ZNF35: variants seen among roughly 807,000 people sequenced by gnomAD.
The protein encoded by ZNF35 is zinc finger protein 35 (clone HF.10).
In ZNF35, 31 loss-of-function variants were observed where a neutral mutation model predicts 45.9. The ratio of observed to expected loss-of-function variants is 0.68; its 90% CI spans 0.51 to 0.91. ZNF35 has a LOEUF of 0.91. Ranked by LOEUF, ZNF35 falls within the 40% of genes least tolerant of loss-of-function variation. The probability of loss-of-function intolerance (pLI) is 0.00; values close to 1 mark genes in which losing one functional copy is unlikely to be tolerated. For synonymous variants in ZNF35, 205 were observed against 220.2 expected (o/e 0.93, Z 0.61); for missense variants, 515 against 625.4 (o/e 0.82, Z 1.88).
rs746896269 is a variant in ZNF35 at position 44,658,910 on chromosome 3, C to G, written c.547C>G (p.His183Asp). 1 of 1,613,286 alleles carries G rather than the reference C, an allele frequency of 6.2e-7. No individual in the cohort carries two copies. The highest frequency in any genetic ancestry group is 1.3e-5 in the African/African-American group (1 of 74,772). ...DFRQVIVNDC[H>D]LPESFKEEEN... Reference sequence around the variant, plus strand: ...CAGACAAGTGATAGTGAATGACTGTCACTTACCTGAAAGCTTCAAAGAAGA... The same window carrying G: ...CAGACAAGTGATAGTGAATGACTGTGACTTACCTGAAAGCTTCAAAGAAGA... The change falls in exon 4 of 4, where the codon CAC becomes GAC. Residue 183 changes from histidine (H) to aspartate (D), a missense_variant. This residue lies in a region of ZNF35 where 275 missense variants were observed against 295.7 expected (regional missense o/e 0.93). Coordinates refer to ENST00000396056, the MANE Select transcript of ZNF35 (RefSeq NM_003420.4).
intron 2 of ZNF35, among the ~76,000 whole-genome samples, chr3:44,652,299 A>G (rs909839916): frequency 6.6e-6 from 1 of 152,130 alleles, no homozygotes; most frequent in African/African-American, 2.4e-5. Context: ...TCCTCTTATC[A>G]TGTACTCACT....
intron 3 of ZNF35, among the ~76,000 whole-genome samples, chr3:44,654,383 G>C (rs1398081433): frequency 1.3e-5 from 2 of 152,188 alleles, no homozygotes; most frequent in Non-Finnish European, 1.5e-5. Flanking sequence ...GTGACCTTGA[G>C]TAAGTCCCTT....
At chr3:44,658,193 T>C (rs567294724) in intron 3 of ZNF35, among the ~76,000 whole-genome samples, 9 of 152,340 alleles carry the variant, frequency 5.9e-5, no homozygotes, top group African/African-American at 2.2e-4. Context: ...GTGCTTATCC[T>C]TTCTTTGATA....
chr3:44,660,680 A>G lies in ZNF35; in HGVS notation c.*733A>G, dbSNP rs1414446815. On this transcript the variant is annotated 3_prime_UTR_variant, in exon 4 of 4. Transcript: ENST00000396056. Reference sequence around the variant, plus strand: ...TGCCAAGATCAACAGCTCCTTCTCCAAACAACTCAAGCCCCCAATTCCCAT... The same window carrying G: ...TGCCAAGATCAACAGCTCCTTCTCCGAACAACTCAAGCCCCCAATTCCCAT... 6.6e-6 allele frequency: 1 copy of G among 152,310 alleles called. No individual in the cohort carries two copies. Among genetic ancestry groups the G allele is most frequent in the Non-Finnish European group, 1.5e-5 (1 of 68,108 alleles). The allele number at this position is 152,310 out of a possible 1,614,324, so 9.4% of individuals were successfully genotyped here.
chr3:44,654,808 C>T (rs1703268332), intron 3 of ZNF35, among the ~76,000 whole-genome samples: 1 of 152,086 alleles, frequency 6.6e-6, no homozygotes, highest in South Asian at 2.1e-4. Context: ...AACTTATGTT[C>T]AGTTAAGCTT....
chr3:44,651,443 T>C (rs901784480), intron 2 of ZNF35, among the ~76,000 whole-genome samples, 184 bp downstream of exon 2: 1 of 152,202 alleles, frequency 6.6e-6, no homozygotes, highest in African/African-American at 2.4e-5. Context: ...CAGTACTTTC[T>C]GTAAACCAGT....
At chr3:44,654,037 T>C (rs562389510) in intron 3 of ZNF35, among the ~76,000 whole-genome samples, 3 of 152,328 alleles carry the variant, frequency 2.0e-5, no homozygotes, top group Non-Finnish European at 4.4e-5. Flanking sequence ...TAGCAGCTTC[T>C]GTTCCCCACT....
chr3:44,660,531 C>G lies in ZNF35; in HGVS notation c.*584C>G, dbSNP rs973240021. On this transcript the variant is annotated 3_prime_UTR_variant, in exon 4 of 4. Coordinates refer to ENST00000396056, the MANE Select transcript of ZNF35 (RefSeq NM_003420.4). The stretch of plus-strand genomic sequence containing the variant: ...AGGAAATGGACTTTTTCCTTACTGT[C>G]TATACCTCCTGAACCTTGGTATTGT... 2 of 152,730 alleles carry G rather than the reference C, an allele frequency of 1.3e-5. No homozygotes were observed. Among genetic ancestry groups the G allele is most frequent in the African/African-American group, 4.8e-5 (2 of 41,462 alleles). 9.5% of individuals were successfully genotyped at this position (152,730 alleles called of 1,614,324 possible).
chr3:44,652,171 G>A (rs1313927166), intron 2 of ZNF35, among the ~76,000 whole-genome samples: 3 of 152,118 alleles, frequency 2.0e-5, no homozygotes, highest in Non-Finnish European at 2.9e-5. Context: ...ACCATTACTA[G>A]TCAAATGAGG....
intron 1 of ZNF35, among the ~76,000 whole-genome samples, chr3:44,649,908 G>A (rs914938935): frequency 1.3e-5 from 2 of 152,198 alleles, no homozygotes; most frequent in Non-Finnish European, 2.9e-5. Flanking sequence ...TGTGAAATAC[G>A]GAAATTGAGT....
Position 44,652,545 on chromosome 3 carries a change from G to A in ZNF35, c.193-12G>A, listed in dbSNP as rs1703223114. 1 of 1,560,456 alleles carries A rather than the reference G, an allele frequency of 6.4e-7. No individual in the cohort carries two copies. Among genetic ancestry groups the A allele is most frequent in the African/African-American group, 1.4e-5 (1 of 72,650 alleles). ...CCAGTTCCCTCTTAAACATGTGCCT[G>A]CTTGTCTCTAGGGTCAGAACATATC... is the stretch of plus-strand genomic sequence containing the variant. On this transcript the variant is annotated splice_polypyrimidine_tract_variant and intron_variant, in intron 2 of 3. Transcript: ENST00000396056.
In ZNF35 at chr3:44,651,107, T is replaced by C. The variant is rs1329723979; in HGVS notation, c.40T>C (p.Trp14Arg). The change falls in exon 2 of 4, where the codon TGG becomes CGG. Residue 14 changes from tryptophan to arginine, a missense_variant. This residue lies in a region of ZNF35 where 275 missense variants were observed against 295.7 expected (regional missense o/e 0.93). Transcript: ENST00000396056. Reference protein sequence around the residue: ...ELREAMALAPWGPVKVKKEEE... With the variant: ...ELREAMALAPRGPVKVKKEEE... ...GAGAGAAGCCATGGCCCTAGCCCCA[T>C]GGGGCCCAGTGAAGGTGAAAAAGGA... 3 of 1,613,960 alleles carry C rather than the reference T, an allele frequency of 1.9e-6. No individual in the cohort carries two copies. Among genetic ancestry groups the C allele is most frequent in the East Asian group, 2.2e-5 (1 of 44,858 alleles).
chr3:44,656,757 G>A (rs1291269861), intron 3 of ZNF35, among the ~76,000 whole-genome samples: 1 of 151,442 alleles, frequency 6.6e-6, no homozygotes, highest in Non-Finnish European at 1.5e-5. Flanking sequence ...AAGTGCAGTG[G>A]TGCAGTCTCA....
intron 2 of ZNF35, among the ~76,000 whole-genome samples, chr3:44,652,284 C>T (rs1263654981): frequency 6.6e-6 from 1 of 152,162 alleles, no homozygotes; most frequent in Non-Finnish European, 1.5e-5. Context: ...TTCCCATATG[C>T]TCTCTCCTCT....
chr3:44,659,842 G>C lies in ZNF35; in HGVS notation c.1479G>C (p.Gln493His). ...AGAGGTCGAGCCTCACCGTGCACCAGAGAACCCACACTGGGGAGAAGCCCT... is the reference window on the plus strand; with the variant it reads ...AGAGGTCGAGCCTCACCGTGCACCACAGAACCCACACTGGGGAGAAGCCCT... ...FRQRSSLTVH[Q>H]RTHTGEKPYE... The change falls in exon 4 of 4, where the codon CAG (glutamine) becomes CAC (histidine). Residue 493 changes from glutamine to histidine, a missense_variant. Around this residue, in one of 3 missense-constraint regions of ZNF35, gnomAD observed 232 missense variants for 304.6 expected, o/e 0.76. Transcript: ENST00000396056. This position sits in a 1 kb window ranked among gnomAD's most constrained non-coding sequence, Gnocchi z 4.3. The C allele has an allele frequency of 6.2e-7, 1 of 1,613,908 alleles. No individual in the cohort carries two copies. Among genetic ancestry groups the C allele is most frequent in the Non-Finnish European group, 8.5e-7 (1 of 1,179,862 alleles).
At chr3:44,650,088 G>A (rs111670061) in intron 1 of ZNF35, among the ~76,000 whole-genome samples, 1 of 152,120 alleles carries the variant, frequency 6.6e-6, no homozygotes, top group African/African-American at 2.4e-5. Flanking sequence ...GTGTGTGTGT[G>A]TGTGTAGTGT....
chr3:44,650,068 TTGTGTGTGTG>T (rs10575761), intron 1 of ZNF35, among the ~76,000 whole-genome samples: 4 of 149,960 alleles, frequency 2.7e-5, no homozygotes, highest in African/African-American at 9.8e-5. Context: ...GATAAGTACT[TTGTGTGTGTG>T]TGTGTGTGTG....
At chr3:44,658,181 C>T (rs1017288805) in intron 3 of ZNF35, among the ~76,000 whole-genome samples, 3 of 152,172 alleles carry the variant, frequency 2.0e-5, no homozygotes, top group Non-Finnish European at 4.4e-5. Flanking sequence ...CCCTTTCTGT[C>T]CGTGCTTATC....
intron 3 of ZNF35, among the ~76,000 whole-genome samples, chr3:44,655,161 A>G (rs1418904566): frequency 6.6e-6 from 1 of 152,226 alleles, no homozygotes; most frequent in African/African-American, 2.4e-5. Flanking sequence ...AAAATTTTAA[A>G]CATTTAATTC....
Sources: allele counts gnomAD v4.1 joint callset (sites outside exome capture counted in the v4.1 genomes callset), GRCh38; gene constraint gnomAD v4.1.1; regional missense constraint gnomAD v4.1.1; non-coding constraint Gnocchi (gnomAD v3.1); transcripts MANE v1.5; gene names NCBI Gene and HGNC (gene_info 2026-07-23, HGNC 2026-07-21).